PSMA1: variants seen among roughly 807,000 people sequenced by gnomAD.
PSMA1 encodes the protein proteasome 20S subunit alpha 1, also known as proteasome subunit alpha type-1.
In PSMA1, 3 loss-of-function variants were observed where a neutral mutation model predicts 38.4. The observed-to-expected ratio is 0.08, with a 90% CI of 0.04 to 0.20. The LOEUF (loss-of-function observed/expected upper bound fraction) is 0.20, where lower values mean the gene tolerates loss of function less well. Ranked by LOEUF, PSMA1 falls within the 10% of genes least tolerant of loss-of-function variation. The pLI, the probability that PSMA1 is intolerant of heterozygous loss-of-function variation, is 1.00. For missense variants in PSMA1, 227 were observed against 325.3 expected (o/e 0.70, Z 2.32); for synonymous variants, 101 against 107.1 (o/e 0.94, Z 0.35).
chr11:14,590,925 G>T (rs929437962), intron 2 of PSMA1, among the ~76,000 whole-genome samples: 1 of 152,232 alleles, frequency 6.6e-6, no homozygotes, highest in Non-Finnish European at 1.5e-5. Context: ...CACAGTTCTC[G>T]CTCGCTCTAG....
chr11:14,518,235 G>A (rs980240761), intron 2 of PSMA1, among the ~76,000 whole-genome samples: 1 of 151,814 alleles, frequency 6.6e-6, no homozygotes, highest in African/African-American at 2.4e-5. Flanking sequence ...CACAGTAGCT[G>A]GGACTATAGG....
chr11:14,622,152 C>T (rs552698945), intron 1 of PSMA1, among the ~76,000 whole-genome samples: 69 of 152,254 alleles, frequency 4.5e-4, no homozygotes, highest in African/African-American at 1.6e-3. Context: ...TTAGTAGCCC[C>T]AATTGCAGTT....
chr11:14,570,516 C>T (rs1026017964), intron 2 of PSMA1, among the ~76,000 whole-genome samples: 7 of 151,914 alleles, frequency 4.6e-5, no homozygotes, highest in East Asian at 1.9e-4. Context: ...TAGAGAAGAC[C>T]GTAAATGACC....
chr11:14,524,912 T>C (rs1326683635), upstream of PSMA1, among the ~76,000 whole-genome samples: 1 of 152,154 alleles, frequency 6.6e-6, no homozygotes, highest in Admixed American at 6.6e-5. Flanking sequence ...TCCAAGGCTC[T>C]GACTGACTCC....
At chr11:14,513,992 C>T (rs1851387670) in intron 5 of PSMA1, 105 bp from the exon 6 acceptor site, 1 of 1,374,876 alleles carries the variant, frequency 7.3e-7, no homozygotes, top group Non-Finnish European at 9.4e-7. Flanking sequence ...TTAATTGTTG[C>T]ATAATCCACC....
intron 4 of PSMA1, 59 bp from the exon 5 acceptor site, chr11:14,514,550 A>C (rs2134146767): frequency 8.0e-7 from 1 of 1,254,386 alleles, no homozygotes; most frequent in East Asian, 2.7e-5. Context: ...ATTCCAATCT[A>C]AATTGTTTGA....
At chr11:14,585,034 A>G (rs563476107) in intron 2 of PSMA1, among the ~76,000 whole-genome samples, 47 of 152,360 alleles carry the variant, frequency 3.1e-4, no homozygotes, top group African/African-American at 1.0e-3. Context: ...GAAGATATTC[A>G]TGTTACTGCA....
At chr11:14,539,144 A>G (rs1326960014) in intron 2 of PSMA1, among the ~76,000 whole-genome samples, 2 of 152,210 alleles carry the variant, frequency 1.3e-5, no homozygotes, top group Non-Finnish European at 2.9e-5. Context: ...CTTGAAGGCA[A>G]CATTTCTCTC....
chr11:14,568,916 G>C (rs1852104691), intron 2 of PSMA1, among the ~76,000 whole-genome samples: 1 of 152,178 alleles, frequency 6.6e-6, no homozygotes, highest in African/African-American at 2.4e-5. Flanking sequence ...CTGAGACACA[G>C]GGCACCATGT....
chr11:14,540,327 C>T (rs1205492788), intron 2 of PSMA1, among the ~76,000 whole-genome samples: 1 of 152,192 alleles, frequency 6.6e-6, no homozygotes, highest in Non-Finnish European at 1.5e-5. Flanking sequence ...CCAGTTGGAT[C>T]CAGTCCTCAG....
intron 1 of PSMA1, among the ~76,000 whole-genome samples, chr11:14,617,695 A>ATGTG (rs1327545879): frequency 4.1e-5 from 6 of 146,312 alleles, no homozygotes; most frequent in Admixed American, 2.1e-4. Context: ...GTATATATAT[A>ATGTG]TATGTGTGTG....
At chr11:14,584,354 C>T (rs1051818619) in intron 2 of PSMA1, among the ~76,000 whole-genome samples, 8 of 152,108 alleles carry the variant, frequency 5.3e-5, no homozygotes, top group Admixed American at 5.2e-4. Context: ...CCACGCTATT[C>T]GCAGGCTTTT....
chr11:14,573,209 A>G (rs1391897870), intron 2 of PSMA1, among the ~76,000 whole-genome samples: 1 of 152,250 alleles, frequency 6.6e-6, no homozygotes, highest in Non-Finnish European at 1.5e-5. Flanking sequence ...GACACAACAA[A>G]AAAAGAGAAT....
At chr11:14,617,598 C>T (rs1426308207) in intron 1 of PSMA1, among the ~76,000 whole-genome samples, 2 of 151,902 alleles carry the variant, frequency 1.3e-5, no homozygotes, top group Non-Finnish European at 2.9e-5. Context: ...AGGTTAGCTG[C>T]TTCAGAAAAT....
intron 1 of PSMA1, 39 bp downstream of exon 1, chr11:14,520,258 C>A (rs1295620129): frequency 1.2e-6 from 2 of 1,613,956 alleles, no homozygotes; most frequent in South Asian, 2.2e-5. Context: ...GTCACCAGAG[C>A]TCTGCCCTAA....
Position 14,519,041 on chromosome 11 carries a change from A to T in PSMA1, c.4T>A (p.Phe2Ile), listed in dbSNP as rs766036249. The T allele has an allele frequency of 3.2e-6, 5 of 1,582,216 alleles. No individual in the cohort carries two copies. The Admixed American group carries it at 8.8e-5, about 28-fold the overall frequency. ...ACATCATTGTCATACTGATTTCGAA[A>T]CTAAAAGTAAAAGAAAAAAATACCT... M[F>I]RNQYDNDVTV... is the part of the protein sequence containing the mutation. Residue 2 changes from phenylalanine to isoleucine, a missense_variant and splice_region_variant, in exon 2 of 10, where the codon TTT becomes ATT. Transcript: ENST00000396394.
intron 1 of PSMA1, among the ~76,000 whole-genome samples, chr11:14,631,877 T>C (rs1164610222): frequency 6.7e-6 from 1 of 149,342 alleles, no homozygotes; most frequent in African/African-American, 2.5e-5. Context: ...ATATTTAGGA[T>C]AGTTAGCTCT....
At chr11:14,551,952 A>C (rs1436532467) in intron 2 of PSMA1, among the ~76,000 whole-genome samples, 1 of 152,202 alleles carries the variant, frequency 6.6e-6, no homozygotes, top group Non-Finnish European at 1.5e-5. Context: ...CAAGGTAGTG[A>C]GGCTTTATAA....
intron 1 of PSMA1, among the ~76,000 whole-genome samples, chr11:14,639,036 A>G (rs1389760559): frequency 1.3e-5 from 2 of 152,202 alleles, no homozygotes; most frequent in Non-Finnish European, 1.5e-5. Context: ...TTTTAAAAGT[A>G]TAATAGTAAA....
Sources: gnomAD v4.1 joint callset for allele counts (sites outside exome capture counted in the v4.1 genomes callset) on GRCh38, gnomAD v4.1.1 for gene constraint, MANE v1.5 for transcripts, NCBI Gene and HGNC (gene_info 2026-07-23, HGNC 2026-07-21) for gene names.